The following MPPED2 variants were observed in gnomAD, a reference collection of about 807,000 sequenced individuals.
The protein encoded by MPPED2 is metallophosphoesterase domain containing 2.
MPPED2 carries 5 observed loss-of-function variants against 33.0 expected under a neutral mutation model. The observed-to-expected ratio is 0.15, with a 90% CI of 0.08 to 0.32. The LOEUF is 0.32. MPPED2 is among the 10% of genes least tolerant of loss of function. The probability of loss-of-function intolerance (pLI) is 1.00; values close to 1 mark genes in which losing one functional copy is unlikely to be tolerated. For synonymous variants in MPPED2, 136 were observed against 141.9 expected (o/e 0.96, Z 0.29); for missense variants, 275 against 372.1 (o/e 0.74, Z 2.15).
chr11:30,389,072 C>A, intron 6 of MPPED2: 1 of 1,370,014 alleles, frequency 7.3e-7, no homozygotes, highest in Non-Finnish European at 9.5e-7. Flanking sequence ...CATAAACAAC[C>A]CCTCAGCACC....
At chr11:30,513,032 T>C (rs543544287) in intron 3 of MPPED2, among the ~76,000 whole-genome samples, 9 of 151,054 alleles carry the variant, frequency 6.0e-5, no homozygotes, top group Admixed American at 2.0e-4. Flanking sequence ...AAAAAGTAAA[T>C]CAGTTTCCAG....
chr11:30,411,975 G>A (rs551653860), intron 6 of MPPED2, among the ~76,000 whole-genome samples: 1 of 152,000 alleles, frequency 6.6e-6, no homozygotes, highest in East Asian at 1.9e-4. Context: ...TTACTCCTCA[G>A]GGGCAAACAC....
At chr11:30,435,954 C>T (rs192608582) in intron 4 of MPPED2, among the ~76,000 whole-genome samples, 6 of 152,090 alleles carry the variant, frequency 3.9e-5, no homozygotes, top group African/African-American at 1.2e-4. Context: ...ACCAAGAGAC[C>T]TGGGTTTGCA....
At chr11:30,459,871 A>C (rs1220061064) in intron 4 of MPPED2, among the ~76,000 whole-genome samples, 1 of 152,190 alleles carries the variant, frequency 6.6e-6, no homozygotes, top group Non-Finnish European at 1.5e-5. Context: ...TGTTTTCAGA[A>C]AGCCAAACTG....
At chr11:30,414,080 T>C in intron 6 of MPPED2, 148 bp downstream of exon 6, 1 of 613,328 alleles carries the variant, frequency 1.6e-6, no homozygotes, top group Admixed American at 2.8e-5. Flanking sequence ...ATCAGCTTTA[T>C]ATTCAGATGT....
intron 4 of MPPED2, among the ~76,000 whole-genome samples, chr11:30,425,399 C>T (rs552913742): frequency 6.6e-6 from 1 of 152,276 alleles, no homozygotes; most frequent in South Asian, 2.1e-4. Flanking sequence ...TCGAACTTGG[C>T]GTGCTCTGAA....
intron 4 of MPPED2, among the ~76,000 whole-genome samples, chr11:30,430,297 T>C (rs947563879): frequency 3.3e-5 from 5 of 152,152 alleles, no homozygotes; most frequent in African/African-American, 1.2e-4. Context: ...AAAACGGAGA[T>C]GTGCTGTGAG....
intron 4 of MPPED2, among the ~76,000 whole-genome samples, chr11:30,445,023 A>T (rs1949742259): frequency 6.6e-6 from 1 of 152,238 alleles, no homozygotes; most frequent in Non-Finnish European, 1.5e-5. Context: ...TTGTGAAATT[A>T]AGTTTGGGAG....
At position 30,475,788 on chromosome 11, in the gene MPPED2, G is replaced by A. The variant is rs76202631; in HGVS notation, c.536+19508C>T. 3.2e-3 allele frequency among the ~76,000 whole-genome samples: 482 copies of A among 152,186 alleles called. 4 individuals carry two copies. Among genetic ancestry groups the A allele is most frequent in the Admixed American group, 7.0e-3 (107 of 15,282 alleles). On this transcript the variant is annotated intron_variant, in intron 4 of 6. Transcript: ENST00000358117. ...ACATATCTAGGAGCAGAATGGCTAG[G>A]TTGTACAGTAGATGTGGGTTGACTT...
chr11:30,470,762 T>A (rs1950914038), intron 4 of MPPED2, among the ~76,000 whole-genome samples: 1 of 152,150 alleles, frequency 6.6e-6, no homozygotes, highest in African/African-American at 2.4e-5. Flanking sequence ...ACTTCCAGAC[T>A]CATGTTGCTA....
At chr11:30,518,024 A>AT (rs11419137) in intron 3 of MPPED2, among the ~76,000 whole-genome samples, 94,447 of 151,862 alleles carry the variant, frequency 0.62, 30,011 homozygotes, top group East Asian at 0.91. Flanking sequence ...TATCCATGAC[A>AT]TTTTTAAAAA....
Position 30,458,024 on chromosome 11 carries a change from C to G in MPPED2, c.536+37272G>C, listed in dbSNP as rs143663984. On this transcript the variant is annotated intron_variant, in intron 4 of 6. Coordinates refer to ENST00000358117, the MANE Select transcript of MPPED2 (RefSeq NM_001584.3). ...CCCCACATACGATAAGCAATTCATG[C>G]CACAGTGCAAGGAGCTCTACTGTGA... Among the ~76,000 whole-genome samples, 105 of 152,316 alleles carry G rather than the reference C, an allele frequency of 6.9e-4. 2 individuals carry two copies. Among genetic ancestry groups the G allele is most frequent in the African/African-American group, 2.2e-3 (91 of 41,564 alleles).
chr11:30,495,521 C>T lies in MPPED2; in HGVS notation c.311G>A (p.Gly104Glu), dbSNP rs868765240. The T allele has an allele frequency of 6.2e-7, 1 of 1,611,646 alleles. No individual in the cohort carries two copies. The highest frequency in any genetic ancestry group is 8.5e-7 in the Non-Finnish European group (1 of 1,178,078). Reference sequence around the variant, plus strand: ...TATTTTATATTCATATGGCAGGTTTCCTGAAATAAGAAAAAAGAGCACCAA... The same window carrying T: ...TATTTTATATTCATATGGCAGGTTTTCTGAAATAAGAAAAAAGAGCACCAA... Reference protein sequence around the residue: ...SEVKKFNDWLGNLPYEYKIVI... With the variant: ...SEVKKFNDWLENLPYEYKIVI... The change falls in exon 4 of 7, where the codon GGA becomes GAA. Residue 104 changes from glycine to glutamate, a missense_variant and splice_region_variant. Transcript: ENST00000358117.
At chr11:30,461,493 T>C (rs560608560) in intron 4 of MPPED2, among the ~76,000 whole-genome samples, 4 of 152,278 alleles carry the variant, frequency 2.6e-5, no homozygotes, top group Admixed American at 1.3e-4. Context: ...CACAGCGAAG[T>C]TGAGAGCCAG....
At chr11:30,484,785 C>T (rs1293512879) in intron 4 of MPPED2, among the ~76,000 whole-genome samples, 2 of 152,152 alleles carry the variant, frequency 1.3e-5, no homozygotes, top group African/African-American at 4.8e-5. Flanking sequence ...GTATCCAGAT[C>T]ATAAGCAACC....
At chr11:30,465,354 C>T (rs890793269) in intron 4 of MPPED2, among the ~76,000 whole-genome samples, 1 of 152,192 alleles carries the variant, frequency 6.6e-6, no homozygotes, top group Admixed American at 6.5e-5. Context: ...GTGGCATGAT[C>T]TCAGCTCACT....
At chr11:30,386,641 G>A in exon 7 of MPPED2, 1 of 398,320 alleles carries the variant, frequency 2.5e-6, no homozygotes, top group Non-Finnish European at 4.4e-6. Context: ...CAGAGCTGGG[G>A]TTCAGAATTT....
At chr11:30,524,359 G>C (rs903365243) in intron 3 of MPPED2, among the ~76,000 whole-genome samples, 1 of 152,142 alleles carries the variant, frequency 6.6e-6, no homozygotes, top group African/African-American at 2.4e-5. Flanking sequence ...AGTGTGGTGG[G>C]AAATTAAGGT....
At chr11:30,509,082 A>T (rs929408584) in intron 3 of MPPED2, among the ~76,000 whole-genome samples, 2 of 152,250 alleles carry the variant, frequency 1.3e-5, no homozygotes, top group African/African-American at 4.8e-5. Flanking sequence ...TCCTATTTTT[A>T]TTTTATTCAA....
Sources: allele counts gnomAD v4.1 joint callset (sites outside exome capture counted in the v4.1 genomes callset), GRCh38; gene constraint gnomAD v4.1.1; transcripts MANE v1.5; gene names NCBI Gene and HGNC (gene_info 2026-07-23, HGNC 2026-07-21).